MAP3K9: variants seen among roughly 807,000 people sequenced by gnomAD.
MAP3K9 encodes the protein mitogen-activated protein kinase kinase kinase 9, also known as mixed lineage kinase 1 (tyr and ser/thr specificity).
In MAP3K9, 46 loss-of-function variants were observed where a neutral mutation model predicts 95.8. The observed-to-expected ratio is 0.48, with a 90% CI of 0.38 to 0.61. The LOEUF is 0.61. Ranked by LOEUF, MAP3K9 falls within the 20% of genes least tolerant of loss-of-function variation. The probability of loss-of-function intolerance (pLI) is 0.00; values close to 1 mark genes in which losing one functional copy is unlikely to be tolerated. For synonymous variants in MAP3K9, 533 were observed against 593.8 expected (o/e 0.90, Z 1.49); for missense variants, 1,296 against 1,474.3 (o/e 0.88, Z 1.98).
rs546893385 is a variant in MAP3K9 at position 70,729,956 on chromosome 14, A to C, written c.*424T>G. The C allele has an allele frequency of 3.4e-4, 58 of 172,936 alleles. No individual in the cohort carries two copies. Among genetic ancestry groups the C allele is most frequent in the Non-Finnish European group, 5.7e-4 (46 of 81,162 alleles). The allele number at this position is 172,936 out of a possible 1,614,324, so 10.7% of individuals were successfully genotyped here. A position where few individuals can be genotyped will look rare whatever the true frequency, so the allele number is the denominator to read the frequency against. On this transcript the variant is annotated 3_prime_UTR_variant, in exon 12 of 12. Coordinates refer to ENST00000554752, the MANE Select transcript of MAP3K9 (RefSeq NM_001284230.2). ...GAGGAGGACCAAAATCAATCACAGA[A>C]TATCCAACACTGGTGTTTGGGAAGC...
chr14:70,768,207 T>C (rs1446912893), intron 2 of MAP3K9, among the ~76,000 whole-genome samples: 1 of 152,162 alleles, frequency 6.6e-6, no homozygotes, highest in Non-Finnish European at 1.5e-5. Flanking sequence ...TATCCCATTT[T>C]CCATGATGTG....
intron 2 of MAP3K9, among the ~76,000 whole-genome samples, chr14:70,796,691 C>T (rs764101834): frequency 4.6e-5 from 7 of 152,208 alleles, no homozygotes; most frequent in Non-Finnish European, 8.8e-5. Context: ...CCACATGGGG[C>T]ACCTTTTCTG....
chr14:70,748,760 G>A, intron 5 of MAP3K9, 69 bp downstream of exon 5: 1 of 1,283,996 alleles, frequency 7.8e-7, no homozygotes. Flanking sequence ...TGTGAGTGAG[G>A]TCTACCAATT....
intron 4 of MAP3K9, 51 bp from the exon 5 acceptor site, chr14:70,749,055 AT>A: frequency 6.4e-7 from 1 of 1,560,478 alleles, no homozygotes; most frequent in Non-Finnish European, 8.7e-7. Context: ...AGAAGCAAAC[AT>A]GTAAGACTTA....
intron 2 of MAP3K9, among the ~76,000 whole-genome samples, chr14:70,782,193 T>C (rs111615131): frequency 1.3e-5 from 2 of 152,328 alleles, no homozygotes; most frequent in East Asian, 1.9e-4. Flanking sequence ...TGTGTTTACA[T>C]AGCACAACTC....
Position 70,738,463 on chromosome 14 carries a change from T to C in MAP3K9, c.1691-65A>G, listed in dbSNP as rs1385622023. 2.1e-6 allele frequency: 3 copies of C among 1,429,196 alleles called. No homozygotes were observed. The Admixed American group carries it at 5.3e-5, about 25-fold the overall frequency. The allele number at this position is 1,429,196 out of a possible 1,614,324, so 88.5% of individuals were successfully genotyped here. A position where few individuals can be genotyped will look rare whatever the true frequency, so the allele number is the denominator to read the frequency against. On this transcript the variant is annotated intron_variant, in intron 7 of 11. Transcript: ENST00000554752. The stretch of plus-strand genomic sequence containing the variant: ...CAGACAGGGCTCCCCCAAACTAGCC[T>C]CTATACCACCACACACACACACACA...
intron 2 of MAP3K9, among the ~76,000 whole-genome samples, chr14:70,797,136 C>T (rs74316594): frequency 0.039 from 5,970 of 152,284 alleles, 150 homozygotes; most frequent in Admixed American, 0.061. Context: ...ACTGCTTTCT[C>T]TTTCCCACAA....
chr14:70,738,214 GAGAA>G, intron 8 of MAP3K9, 27 bp downstream of exon 8: 1 of 1,580,664 alleles, frequency 6.3e-7, no homozygotes, highest in Non-Finnish European at 8.6e-7. Context: ...ATCTTCAAGA[GAGAA>G]AGAATTTCAT....
chr14:70,756,836 C>G lies in MAP3K9; in HGVS notation c.1001+4166G>C, dbSNP rs529331087. 4.6e-5 allele frequency among the ~76,000 whole-genome samples: 7 copies of G among 152,294 alleles called. No homozygotes were observed. In the South Asian group the frequency reaches 1.5e-3, roughly 32 times the overall value. On this transcript the variant is annotated intron_variant, in intron 3 of 11. Transcript: ENST00000554752. The stretch of plus-strand genomic sequence containing the variant: ...TATGCTTCTATCCTATCTAAGCCTC[C>G]ATATCTGTATGCCTCTTTGTAATAG...
At chr14:70,794,818 C>T (rs936011007) in intron 2 of MAP3K9, among the ~76,000 whole-genome samples, 1 of 151,736 alleles carries the variant, frequency 6.6e-6, no homozygotes, top group African/African-American at 2.4e-5. Flanking sequence ...GCTTGAACTA[C>T]AGGCACGTAC....
intron 4 of MAP3K9, 64 bp downstream of exon 4, chr14:70,749,869 A>T (rs1307245173): frequency 6.3e-7 from 1 of 1,596,606 alleles, no homozygotes; most frequent in Admixed American, 1.7e-5. Flanking sequence ...AATTGGCCAA[A>T]CTCTACCCAG....
rs2053787178 is a variant in MAP3K9, at chr14:70,724,020, G to A, written c.*6360C>T. ...CCAAATTCTGAAGACTCACTGTGCAGGCACAGAGCTAGGGAATGTGGCTCT... is the reference window on the plus strand; with the variant it reads ...CCAAATTCTGAAGACTCACTGTGCAAGCACAGAGCTAGGGAATGTGGCTCT... On this transcript the variant is annotated 3_prime_UTR_variant, in exon 12 of 12. Coordinates refer to ENST00000554752, the MANE Select transcript of MAP3K9 (RefSeq NM_001284230.2). 6.6e-6 allele frequency: 1 copy of A among 152,226 alleles called. No individual in the cohort carries two copies. 9.4% of individuals were successfully genotyped at this position (152,226 alleles called of 1,614,324 possible). A position where few individuals can be genotyped will look rare whatever the true frequency, so the allele number is the denominator to read the frequency against.
chr14:70,742,025 T>A (rs2054077228), intron 6 of MAP3K9, among the ~76,000 whole-genome samples: 1 of 152,146 alleles, frequency 6.6e-6, no homozygotes, highest in Non-Finnish European at 1.5e-5. Context: ...CCCTGGAATG[T>A]TTTCCCCCAA....
intron 2 of MAP3K9, among the ~76,000 whole-genome samples, chr14:70,782,319 T>C (rs1371588167): frequency 2.0e-5 from 3 of 152,190 alleles, no homozygotes; most frequent in Non-Finnish European, 4.4e-5. Flanking sequence ...ATGAGGACAT[T>C]TGGGTAATAA....
chr14:70,738,363 T>G lies in MAP3K9; in HGVS notation c.1726A>C (p.Ser576Arg), dbSNP rs745598440. Reference protein sequence around the residue: ...PGESSKTWGRSSVVPKEEGEE... With the variant: ...PGESSKTWGRRSVVPKEEGEE... The stretch of plus-strand genomic sequence containing the variant: ...CCTTCCTCCTTTGGGACGACTGAGC[T>G]CCTGCCCCAGGTTTTGCTGCTTTCA... The change falls in exon 8 of 12, where the codon AGC becomes CGC. Residue 576 changes from serine (S) to arginine (R), a missense_variant. Ser to Arg is a moderately radical substitution (Grantham distance 110, BLOSUM62 -1). This residue lies in a region of MAP3K9 where 377 missense variants were observed against 417.1 expected (regional missense o/e 0.90). Transcript: ENST00000554752. The G allele has an allele frequency of 6.2e-7, 1 of 1,613,972 alleles. No individual in the cohort carries two copies. Among genetic ancestry groups the G allele is most frequent in the South Asian group, 1.1e-5 (1 of 91,028 alleles).
intron 3 of MAP3K9, among the ~76,000 whole-genome samples, chr14:70,758,088 G>A (rs2054320854): frequency 6.6e-6 from 1 of 152,052 alleles, no homozygotes; most frequent in Non-Finnish European, 1.5e-5. Flanking sequence ...TCAAAGAACA[G>A]CCTTAAGAAA....
intron 1 of MAP3K9, among the ~76,000 whole-genome samples, chr14:70,805,682 G>T (rs2054982345): frequency 6.6e-6 from 1 of 152,198 alleles, no homozygotes; most frequent in African/African-American, 2.4e-5. Flanking sequence ...ACTCTGGAAG[G>T]CTGAGGTGGG....
Position 70,730,322 on chromosome 14 carries a change from C to T in MAP3K9, c.*58G>A, listed in dbSNP as rs560329744. The T allele has an allele frequency of 3.0e-5, 46 of 1,556,928 alleles. No individual in the cohort carries two copies. Among genetic ancestry groups the T allele is most frequent in the Non-Finnish European group, 1.4e-5 (16 of 1,147,838 alleles). On this transcript the variant is annotated 3_prime_UTR_variant, in exon 12 of 12. Transcript: ENST00000554752. The stretch of plus-strand genomic sequence containing the variant: ...TCCAACCCTGAGAAAGGGCTGTGCC[C>T]GCCAGCTCCCCTCATCTCCGCTGGC...
chr14:70,783,279 C>G, intron 2 of MAP3K9: 2 of 938,218 alleles, frequency 2.1e-6, no homozygotes, highest in Non-Finnish European at 2.5e-6. Flanking sequence ...GGAAGGAAGA[C>G]GGCATCCTAA....
Sources: gnomAD v4.1 joint callset for allele counts (sites outside exome capture counted in the v4.1 genomes callset) on GRCh38, gnomAD v4.1.1 for gene constraint, gnomAD v4.1.1 regional missense constraint, MANE v1.5 for transcripts, NCBI Gene and HGNC (gene_info 2026-07-23, HGNC 2026-07-21) for gene names.